Variants in SEC24D observed in about 807,000 individuals in gnomAD.
SEC24D encodes the protein SEC24 homolog D, COPII component, also known as protein transport protein Sec24D.
A neutral mutation model predicts 116.9 loss-of-function variants in SEC24D; 69 were observed. The ratio of observed to expected loss-of-function variants is 0.59; its 90% CI spans 0.49 to 0.72. The LOEUF is 0.72. Ranked by LOEUF, SEC24D falls within the 30% of genes least tolerant of loss-of-function variation. The pLI is 0.00. For synonymous variants in SEC24D, 405 were observed against 442.8 expected (o/e 0.91, Z 1.07); for missense variants, 1,131 against 1,264.1 (o/e 0.89, Z 1.60).
chr4:118,814,069 C>A (rs535609740), intron 6 of SEC24D, among the ~76,000 whole-genome samples: 1 of 152,168 alleles, frequency 6.6e-6, no homozygotes, highest in African/African-American at 2.4e-5. Context: ...ATTTCTAATT[C>A]TTCAAGTACT....
At chr4:118,726,734 G>A (rs1725433023) in intron 22 of SEC24D, among the ~76,000 whole-genome samples, 1 of 152,154 alleles carries the variant, frequency 6.6e-6, no homozygotes, top group Non-Finnish European at 1.5e-5. Context: ...TTCTCAGGAA[G>A]GCACTTGGTT....
intron 6 of SEC24D, among the ~76,000 whole-genome samples, chr4:118,806,447 G>C (rs186790861): frequency 6.6e-6 from 1 of 151,864 alleles, no homozygotes; most frequent in Non-Finnish European, 1.5e-5. Context: ...GCCATTCCGA[G>C]TAGCTGGGAC....
intron 11 of SEC24D, among the ~76,000 whole-genome samples, chr4:118,754,526 T>C (rs1726990137): frequency 6.6e-6 from 1 of 152,164 alleles, no homozygotes; most frequent in Non-Finnish European, 1.5e-5. Context: ...TGCATGCTAA[T>C]AAAGGACAGG....
rs1727563747 is a variant in SEC24D at position 118,764,837 on chromosome 4, A to G, written c.1261T>C (p.Ser421Pro). The change falls in exon 10 of 23, where the codon TCT becomes CCT. Residue 421 changes from serine to proline, a missense_variant. By Grantham distance (74) the Ser-to-Pro change is moderately conservative. Coordinates refer to ENST00000280551, the MANE Select transcript of SEC24D (RefSeq NM_014822.4). The part of the protein sequence containing the change: ...HYEKPELSLG[S>P]YEYVATLDYC... ...TCCAAAGTGGCAACATATTCATAAG[A>G]TCCTAGAGATAACTCTGGTTTCTCA... 11 of 1,608,174 alleles carry G rather than the reference A, an allele frequency of 6.8e-6. No individual in the cohort carries two copies. The highest frequency in any genetic ancestry group is 8.5e-6 in the Non-Finnish European group (10 of 1,174,924).
chr4:118,776,922 A>G (rs970579352), intron 8 of SEC24D, among the ~76,000 whole-genome samples: 1 of 152,120 alleles, frequency 6.6e-6, no homozygotes, highest in East Asian at 1.9e-4. Flanking sequence ...CACTCCTCAA[A>G]GGAAAGTTGT....
At chr4:118,786,534 A>G (rs371257737) in intron 8 of SEC24D, among the ~76,000 whole-genome samples, 2 of 152,356 alleles carry the variant, frequency 1.3e-5, no homozygotes, top group African/African-American at 2.4e-5. Context: ...AGCAAGGTAT[A>G]GATAGTATAT....
intron 19 of SEC24D, among the ~76,000 whole-genome samples, chr4:118,737,080 CAG>C (rs1322460713): frequency 6.6e-6 from 1 of 152,198 alleles, no homozygotes; most frequent in African/African-American, 2.4e-5. Flanking sequence ...ACTCCAGAAA[CAG>C]AATAATGTTT....
chr4:118,830,989 G>A (rs369203676), intron 2 of SEC24D, among the ~76,000 whole-genome samples: 8 of 152,120 alleles, frequency 5.3e-5, no homozygotes, highest in Non-Finnish European at 1.2e-4. Context: ...TTGGGAGACC[G>A]ATTACATTGG....
At chr4:118,770,649 T>C (rs79753640) in intron 8 of SEC24D, among the ~76,000 whole-genome samples, 2,031 of 152,324 alleles carry the variant, frequency 0.013, 44 homozygotes, top group African/African-American at 0.046. Flanking sequence ...TCCAATTATA[T>C]GCTAGACAAG....
At chr4:118,788,797 G>T (rs1728762911) in intron 8 of SEC24D, among the ~76,000 whole-genome samples, 1 of 152,156 alleles carries the variant, frequency 6.6e-6, no homozygotes, top group African/African-American at 2.4e-5. Flanking sequence ...GAACAACTAA[G>T]ATTCACTGTG....
chr4:118,792,273 G>A (rs1307007401), intron 8 of SEC24D, among the ~76,000 whole-genome samples: 1 of 149,886 alleles, frequency 6.7e-6, no homozygotes, highest in Non-Finnish European at 1.5e-5. Context: ...CGGGAGGTGG[G>A]GGGCAGCCCC....
intron 22 of SEC24D, among the ~76,000 whole-genome samples, 158 bp from the exon 23 acceptor site, chr4:118,723,813 A>G (rs879235467): frequency 6.6e-6 from 1 of 152,168 alleles, no homozygotes; most frequent in Non-Finnish European, 1.5e-5. Context: ...TCTAGAGTGG[A>G]AAGAGGCATG....
chr4:118,779,614 T>A (rs1728305524), intron 8 of SEC24D, among the ~76,000 whole-genome samples: 1 of 152,254 alleles, frequency 6.6e-6, no homozygotes, highest in African/African-American at 2.4e-5. Flanking sequence ...CATGCTGGCC[T>A]CATAAAATGA....
At chr4:118,736,046 C>G (rs1278201600) in intron 19 of SEC24D, 1 of 103,240 alleles carries the variant, frequency 9.7e-6, no homozygotes. Flanking sequence ...TTTTTTTTTG[C>G]CCACGCTGGA....
intron 2 of SEC24D, among the ~76,000 whole-genome samples, chr4:118,832,579 G>C (rs1299308895): frequency 6.6e-6 from 1 of 152,148 alleles, no homozygotes; most frequent in Non-Finnish European, 1.5e-5. Context: ...TTGCCTTCTT[G>C]AGAGATCTGG....
intron 13 of SEC24D, 61 bp downstream of exon 13, chr4:118,751,935 A>AT (rs1430729086): frequency 5.2e-6 from 6 of 1,164,534 alleles, no homozygotes; most frequent in Non-Finnish European, 7.6e-6. Flanking sequence ...AAACTTTCTT[A>AT]TTTTTTGTCT....
chr4:118,795,267 C>T (rs1012288474), intron 8 of SEC24D, among the ~76,000 whole-genome samples: 14 of 149,686 alleles, frequency 9.4e-5, no homozygotes, highest in African/African-American at 3.5e-4. Context: ...CCAAGATTAT[C>T]ACATAATCTT....
At chr4:118,755,126 CT>C (rs998917766) in intron 11 of SEC24D, among the ~76,000 whole-genome samples, 5 of 151,874 alleles carry the variant, frequency 3.3e-5, no homozygotes, top group East Asian at 1.9e-4. Context: ...TCCATGGGAA[CT>C]TTTTTTTATT....
intron 19 of SEC24D, 200 bp from the exon 20 acceptor site, chr4:118,733,112 T>C (rs1251246708): frequency 2.1e-5 from 11 of 513,114 alleles, no homozygotes; most frequent in Non-Finnish European, 3.5e-5. Context: ...GTTTTTATTT[T>C]ATCTAGTGCT....
Sources: gnomAD v4.1 joint callset for allele counts (sites outside exome capture counted in the v4.1 genomes callset) on GRCh38, gnomAD v4.1.1 for gene constraint, MANE v1.5 for transcripts, NCBI Gene and HGNC (gene_info 2026-07-23, HGNC 2026-07-21) for gene names.